WNT7A: variants seen among roughly 807,000 people sequenced by gnomAD.
WNT7A encodes protein Wnt-7a.
A neutral mutation model predicts 28.2 loss-of-function variants in WNT7A; 16 were observed. That is an observed-to-expected ratio of 0.57 (90% CI 0.38 to 0.86). The LOEUF is 0.86. Among genes scored for constraint, WNT7A ranks in the 40% least tolerant of loss-of-function variants. WNT7A has a pLI of 0.00. For synonymous variants in WNT7A, 190 were observed against 195.9 expected (o/e 0.97, Z 0.25); for missense variants, 411 against 489.7 (o/e 0.84, Z 1.52).
In WNT7A at chr3:13,819,353, C is replaced by T; in HGVS notation, c.641G>A (p.Cys214Tyr). The T allele has an allele frequency of 6.2e-7, 1 of 1,613,370 alleles. No homozygotes were observed. Among genetic ancestry groups the T allele is most frequent in the Non-Finnish European group, 8.5e-7 (1 of 1,179,624 alleles). ...CCGAAACTGTGGCAGTGTGGTCCAG[C>T]ACGTCTTGGTGGTGCACGAGCCTGA... is the stretch of plus-strand genomic sequence containing the variant. The part of the protein sequence containing the change: ...GVSGSCTTKT[C>Y]WTTLPQFREL... Residue 214 changes from cysteine (C) to tyrosine (Y), a missense_variant, in exon 4 of 4, where the codon TGC (cysteine) becomes TAC (tyrosine). Coordinates refer to ENST00000285018, the MANE Select transcript of WNT7A (RefSeq NM_004625.4).
chr3:13,847,340 C>A (rs886502083), intron 3 of WNT7A, among the ~76,000 whole-genome samples: 8 of 152,362 alleles, frequency 5.3e-5, no homozygotes, highest in Admixed American at 5.2e-4. Context: ...AGCTCCCCGA[C>A]CCTGGCCAGC....
At chr3:13,834,742 C>G (rs80207374) in intron 3 of WNT7A, among the ~76,000 whole-genome samples, 1 of 152,172 alleles carries the variant, frequency 6.6e-6, no homozygotes, top group African/African-American at 2.4e-5. Context: ...CTATGAGGCT[C>G]TCCCTGACTT....
At position 13,836,169 on chromosome 3, in the gene WNT7A, A is replaced by T. The variant is rs375243949; in HGVS notation, c.571-16746T>A. On this transcript the variant is annotated intron_variant, in intron 3 of 3. Coordinates refer to ENST00000285018, the MANE Select transcript of WNT7A (RefSeq NM_004625.4). ...ACTCTAAGAGGATGGATTGTATGGC[A>T]TGAGAATTATATCTCAGTAAAGCTG... is the stretch of plus-strand genomic sequence containing the variant. Among the ~76,000 whole-genome samples the T allele has an allele frequency of 3.3e-5, 5 of 150,730 alleles. No homozygotes were observed. The South Asian group carries it at 1.1e-3, about 32-fold the overall frequency.
intron 2 of WNT7A, among the ~76,000 whole-genome samples, chr3:13,866,630 G>A (rs1165907569): frequency 6.6e-6 from 1 of 152,182 alleles, no homozygotes; most frequent in Non-Finnish European, 1.5e-5. Context: ...CAGAGGGAGC[G>A]AGCCAAGCTG....
chr3:13,820,189 G>T (rs1440531755), intron 3 of WNT7A, among the ~76,000 whole-genome samples: 1 of 152,158 alleles, frequency 6.6e-6, no homozygotes, highest in African/African-American at 2.4e-5. Flanking sequence ...GATTTCCCAA[G>T]TGAGCACAGT....
Position 13,845,220 on chromosome 3 carries a change from G to A in WNT7A, c.570+9312C>T, listed in dbSNP as rs566146053. Among the ~76,000 whole-genome samples the A allele has an allele frequency of 8.5e-5, 13 of 152,308 alleles. No individual in the cohort carries two copies. The South Asian group carries it at 1.4e-3, about 17-fold the overall frequency. ...CTGGCAGGAGGCCAGGGAGGTGACA[G>A]GATGAGCTTCCACCGCAGCTAAGAC... On this transcript the variant is annotated intron_variant, in intron 3 of 3. Transcript: ENST00000285018.
chr3:13,856,942 A>AAGGAGAAGGAGAAGGAGAAGGAGAAGG (rs1559303305), intron 2 of WNT7A, among the ~76,000 whole-genome samples: 2 of 112,770 alleles, frequency 1.8e-5, no homozygotes, highest in African/African-American at 9.0e-5. Context: ...GAAGAAGAAG[A>AAGGAGAAGGAGAAGGAGAAGGAGAAGG]AGAAGAAGAA....
chr3:13,840,426 T>C (rs1694437548), intron 3 of WNT7A, among the ~76,000 whole-genome samples: 1 of 152,202 alleles, frequency 6.6e-6, no homozygotes, highest in Non-Finnish European at 1.5e-5. Flanking sequence ...GACGCATAAA[T>C]AGGTGCTTAA....
chr3:13,858,421 C>G (rs577309839), intron 2 of WNT7A, among the ~76,000 whole-genome samples: 3 of 152,292 alleles, frequency 2.0e-5, no homozygotes, highest in South Asian at 2.1e-4. Flanking sequence ...CAGTGGTGAC[C>G]GTCCCTGGGT....
chr3:13,875,256 G>T, intron 1 of WNT7A, 83 bp from the exon 2 acceptor site: 1 of 1,445,078 alleles, frequency 6.9e-7, no homozygotes, highest in Non-Finnish European at 9.6e-7. Context: ...GTCCAGCACT[G>T]GCCACCCCAC....
chr3:13,852,205 C>T (rs533105811), intron 3 of WNT7A, among the ~76,000 whole-genome samples: 1 of 152,240 alleles, frequency 6.6e-6, no homozygotes, highest in African/African-American at 2.4e-5. Flanking sequence ...TGCACCCCCC[C>T]ACCCCAGCCT....
chr3:13,868,896 G>A (rs1236266293), intron 2 of WNT7A, among the ~76,000 whole-genome samples: 24 of 147,028 alleles, frequency 1.6e-4, no homozygotes, highest in African/African-American at 5.8e-4. Flanking sequence ...AGGAGGGAGG[G>A]AGGAAGGAAG....
intron 2 of WNT7A, among the ~76,000 whole-genome samples, chr3:13,866,963 T>C (rs568765771): frequency 2.3e-4 from 35 of 152,104 alleles, no homozygotes; most frequent in African/African-American, 8.2e-4. Context: ...CTGGACAGAT[T>C]GGGGGATATA....
At chr3:13,855,821 T>G (rs1694719997) in intron 2 of WNT7A, among the ~76,000 whole-genome samples, 1 of 152,100 alleles carries the variant, frequency 6.6e-6, no homozygotes, top group African/African-American at 2.4e-5. Flanking sequence ...GGAAGGCACC[T>G]GGAAGAAGAG....
In WNT7A at chr3:13,819,092, G is replaced by A. The variant is rs1559292989; in HGVS notation, c.902C>T (p.Ala301Val). Reference protein sequence around the residue: ...GRACNKTAPQASGCDLMCCGR... With the variant: ...GRACNKTAPQVSGCDLMCCGR... ...ACAGCACATGAGGTCACAGCCGCTG[G>A]CCTGGGGAGCCGTCTTGTTGCAGGC... The change falls in exon 4 of 4, where the codon GCC becomes GTC. Residue 301 changes from alanine to valine, a missense_variant. Transcript: ENST00000285018. 1 of 1,614,158 alleles carries A rather than the reference G, an allele frequency of 6.2e-7. No homozygotes were observed. Among genetic ancestry groups the A allele is most frequent in the Admixed American group, 1.7e-5 (1 of 60,022 alleles).
chr3:13,879,812 T>C lies in WNT7A; in HGVS notation c.5A>G (p.Asn2Ser). ...GCCCAGGCAGCGCCGCGCTTTCCGGTTCATAGTCCCGATTGGCCGCCGGGG... is the reference window on the plus strand; with the variant it reads ...GCCCAGGCAGCGCCGCGCTTTCCGGCTCATAGTCCCGATTGGCCGCCGGGG... The part of the protein sequence containing the change: M[N>S]RKARRCLGHL... The change falls in exon 1 of 4, where the codon AAC (asparagine) becomes AGC (serine). Residue 2 changes from asparagine to serine, a missense_variant. By Grantham distance (46) the Asn-to-Ser change is conservative. Transcript: ENST00000285018. The C allele has an allele frequency of 6.2e-7, 1 of 1,611,176 alleles. No homozygotes were observed. Among genetic ancestry groups the C allele is most frequent in the Non-Finnish European group, 8.5e-7 (1 of 1,178,608 alleles).
At chr3:13,866,222 T>A (rs1367000201) in intron 2 of WNT7A, among the ~76,000 whole-genome samples, 1 of 152,206 alleles carries the variant, frequency 6.6e-6, no homozygotes, top group African/African-American at 2.4e-5. Context: ...AGGCACTGGG[T>A]CAGAGGCCCC....
At chr3:13,842,434 G>T (rs1694475985) in intron 3 of WNT7A, among the ~76,000 whole-genome samples, 1 of 152,166 alleles carries the variant, frequency 6.6e-6, no homozygotes, top group African/African-American at 2.4e-5. Context: ...GGACCCTGGG[G>T]CAAGGGGACA....
intron 3 of WNT7A, among the ~76,000 whole-genome samples, chr3:13,852,538 A>G (rs1694655416): frequency 6.6e-6 from 1 of 152,334 alleles, no homozygotes; most frequent in South Asian, 2.1e-4. Context: ...CATAGTCCCA[A>G]TCGACAGATG....
Sources: gnomAD v4.1 joint callset for allele counts (sites outside exome capture counted in the v4.1 genomes callset) on GRCh38, gnomAD v4.1.1 for gene constraint, MANE v1.5 for transcripts, NCBI Gene and HGNC (gene_info 2026-07-23, HGNC 2026-07-21) for gene names.